Variants in EIPR1 observed in about 807,000 individuals in gnomAD.
EIPR1 encodes the protein EARP and GARP complex-interacting protein 1.
EIPR1 carries 25 observed loss-of-function variants against 48.1 expected under a neutral mutation model. The observed-to-expected ratio is 0.52, with a 90% CI of 0.38 to 0.73. The LOEUF (loss-of-function observed/expected upper bound fraction) is 0.73, where lower values mean the gene tolerates loss of function less well. Ranked by LOEUF, EIPR1 falls within the 30% of genes least tolerant of loss-of-function variation. EIPR1 has a pLI of 0.00. For missense variants in EIPR1, 415 were observed against 506.2 expected (o/e 0.82, Z 1.73); for synonymous variants, 204 against 201.9 (o/e 1.01, Z -0.09).
chr2:3,235,573 C>T (rs531462948), intron 4 of EIPR1, among the ~76,000 whole-genome samples: 2 of 152,334 alleles, frequency 1.3e-5, no homozygotes, highest in South Asian at 2.1e-4. Flanking sequence ...TCAAAGCACC[C>T]GACAAGCGTG....
At chr2:3,369,383 G>A (rs1230050399) in intron 1 of EIPR1, among the ~76,000 whole-genome samples, 4 of 152,192 alleles carry the variant, frequency 2.6e-5, no homozygotes, top group African/African-American at 4.8e-5. Context: ...GACAGTGGGC[G>A]CAGGTCAGTG....
At chr2:3,288,892 G>A (rs930723222) in intron 3 of EIPR1, among the ~76,000 whole-genome samples, 10 of 152,204 alleles carry the variant, frequency 6.6e-5, no homozygotes, top group South Asian at 4.1e-4. Flanking sequence ...TGATGGCCTC[G>A]GCAACGCCCA....
intron 1 of EIPR1, among the ~76,000 whole-genome samples, chr2:3,369,617 G>A (rs372193322): frequency 3.4e-4 from 52 of 152,344 alleles, no homozygotes; most frequent in Non-Finnish European, 5.0e-4. Context: ...CTATGCCCAC[G>A]GAGTCTCGCT....
chr2:3,192,665 A>AGC, intron 7 of EIPR1, 84 bp from the exon 8 acceptor site: 1 of 1,443,030 alleles, frequency 6.9e-7, no homozygotes, highest in Non-Finnish European at 9.5e-7. Context: ...TGAGGGCCCC[A>AGC]CTAGGCTGGG....
intron 4 of EIPR1, among the ~76,000 whole-genome samples, chr2:3,239,713 T>C (rs1312741152): frequency 1.3e-5 from 2 of 151,326 alleles, no homozygotes; most frequent in Non-Finnish European, 2.9e-5. Context: ...TTAACCCCCT[T>C]TCCACATGTG....
intron 3 of EIPR1, among the ~76,000 whole-genome samples, chr2:3,299,618 TCTCTCTCACACA>T (rs924162939): frequency 3.2e-5 from 4 of 125,976 alleles, no homozygotes; most frequent in African/African-American, 8.8e-5. Context: ...TCTCTCTCTC[TCTCTCTCACACA>T]CACACACACA....
chr2:3,269,686 G>GCACTCAATCATCA (rs1398977955), intron 3 of EIPR1, among the ~76,000 whole-genome samples: 1 of 136,460 alleles, frequency 7.3e-6, no homozygotes, highest in Non-Finnish European at 1.6e-5. Flanking sequence ...CGCAATCATC[G>GCACTCAATCATCA]CACTCAATCA....
intron 3 of EIPR1, among the ~76,000 whole-genome samples, chr2:3,263,006 C>T (rs1413754940): frequency 1.3e-5 from 2 of 152,228 alleles, no homozygotes; most frequent in East Asian, 1.9e-4. Flanking sequence ...ACCCTCCCTG[C>T]ACTCATGCCT....
Position 3,340,003 on chromosome 2 carries a change from G to A in EIPR1, c.127-1854C>T, listed in dbSNP as rs549646671. ...TCTTCCCTCTCCTAGCTCCTGCTTC[G>A]GCCATGTGAGGCGGCTGCTCCCCTT... is the stretch of plus-strand genomic sequence containing the variant. On this transcript the variant is annotated intron_variant, in intron 2 of 8. Transcript: ENST00000382125. Among the ~76,000 whole-genome samples the A allele has an allele frequency of 1.2e-4, 19 of 152,274 alleles. No individual in the cohort carries two copies. In the East Asian group the frequency reaches 3.5e-3, roughly 28 times the overall value.
rs1261766515 is a variant in EIPR1, at chr2:3,367,133, A to G, written c.42+10515T>C. Among the ~76,000 whole-genome samples the G allele has an allele frequency of 2.0e-5, 3 of 152,060 alleles. No individual in the cohort carries two copies. The East Asian group carries it at 5.8e-4, about 29-fold the overall frequency. ...AAAAAAAAAAAAAAGGGAACAACCT[A>G]AAAGACAAATCCTCAATTCTCAGAG... On this transcript the variant is annotated intron_variant, in intron 1 of 8. Transcript: ENST00000382125.
intron 2 of EIPR1, among the ~76,000 whole-genome samples, chr2:3,354,265 C>T (rs895998923): frequency 9.8e-5 from 15 of 152,334 alleles, no homozygotes; most frequent in African/African-American, 3.6e-4. Context: ...ACCACATATC[C>T]TTGCTTCTCA....
rs1558301935 is a variant in EIPR1 at position 3,328,961 on chromosome 2, GCCAGGCTCCC to G, written c.259+9046_259+9055del. Among the ~76,000 whole-genome samples the G allele has an allele frequency of 1.4e-4, 15 of 108,946 alleles. 4 individuals carry two copies. The highest frequency in any genetic ancestry group is 4.3e-4 in the African/African-American group (10 of 23,060). 71.5% of individuals were successfully genotyped at this position (108,946 alleles called of 152,430 possible). A position where few individuals can be genotyped will look rare whatever the true frequency, so the allele number is the denominator to read the frequency against. On this transcript the variant is annotated intron_variant, in intron 3 of 8. Coordinates refer to ENST00000382125, the MANE Select transcript of EIPR1 (RefSeq NM_003310.5). Reference sequence around the variant, plus strand: ...ACGCTCTAATGATCTCAGGGCACCAGCCAGGCTCCCCTGAATCAGAGCCCACCCACCACGT... The same window carrying G: ...ACGCTCTAATGATCTCAGGGCACCAGCTGAATCAGAGCCCACCCACCACGT...
chr2:3,327,928 C>T (rs1669748634), intron 3 of EIPR1, among the ~76,000 whole-genome samples: 4 of 151,998 alleles, frequency 2.6e-5, no homozygotes, highest in South Asian at 2.1e-4. Context: ...GGCACAATCA[C>T]GGGTCACTGC....
intron 1 of EIPR1, among the ~76,000 whole-genome samples, chr2:3,361,107 C>T (rs375082615): frequency 3.9e-5 from 6 of 152,272 alleles, no homozygotes; most frequent in African/African-American, 1.4e-4. Flanking sequence ...GGAAAATAAA[C>T]CCTCCAGGAG....
At chr2:3,226,826 G>A (rs1026455130) in intron 4 of EIPR1, among the ~76,000 whole-genome samples, 1 of 152,260 alleles carries the variant, frequency 6.6e-6, no homozygotes, top group African/African-American at 2.4e-5. Flanking sequence ...TCATGACAGT[G>A]AATAAGTCCC....
intron 1 of EIPR1, among the ~76,000 whole-genome samples, chr2:3,376,103 C>G (rs1365471642): frequency 6.6e-6 from 1 of 151,976 alleles, no homozygotes; most frequent in African/African-American, 2.4e-5. Flanking sequence ...GGCGAAACCC[C>G]ATTTCTACAA....
rs527307185 is a variant in EIPR1, at chr2:3,366,537, GA to G, written c.42+11110del. ...CGAGGACAAAAAAGAAATTTGACCTGAAATTCAAAATTAAATTCAAAGCTGC... is the reference window on the plus strand; with the variant it reads ...CGAGGACAAAAAAGAAATTTGACCTGAATTCAAAATTAAATTCAAAGCTGC... On this transcript the variant is annotated intron_variant, in intron 1 of 8. Transcript: ENST00000382125. Among the ~76,000 whole-genome samples, 51 of 152,226 alleles carry G rather than the reference GA, an allele frequency of 3.4e-4. 1 individual carries two copies. In the South Asian group the frequency reaches 9.8e-3, roughly 29 times the overall value.
intron 3 of EIPR1, among the ~76,000 whole-genome samples, chr2:3,289,146 C>T (rs901883582): frequency 1.3e-5 from 2 of 152,182 alleles, no homozygotes; most frequent in Non-Finnish European, 2.9e-5. Flanking sequence ...GGGAGACAAG[C>T]GAGGATTTGT....
intron 4 of EIPR1, among the ~76,000 whole-genome samples, chr2:3,241,288 A>G (rs927034495): frequency 3.3e-5 from 5 of 152,210 alleles, no homozygotes; most frequent in African/African-American, 9.6e-5. Flanking sequence ...TGGGGGCCCA[A>G]CTGCCAGCCA....
Sources: allele counts gnomAD v4.1 joint callset (sites outside exome capture counted in the v4.1 genomes callset), GRCh38; gene constraint gnomAD v4.1.1; transcripts MANE v1.5; gene names NCBI Gene and HGNC (gene_info 2026-07-23, HGNC 2026-07-21).